The following NEK11 variants were observed in gnomAD, a reference collection of about 807,000 sequenced individuals.
NEK11 encodes the protein NIMA related kinase 11.
Under a neutral mutation model 80.7 loss-of-function variants are expected in NEK11, and 72 were observed. The ratio of observed to expected loss-of-function variants is 0.89; its 90% CI spans 0.74 to 1.08. The LOEUF is 1.08. NEK11 is among the 50% of genes least tolerant of loss of function. The probability of loss-of-function intolerance (pLI) is 0.00; values close to 1 mark genes in which losing one functional copy is unlikely to be tolerated. For missense variants in NEK11, 764 were observed against 763.6 expected, an observed-to-expected ratio of 1.00 and a Z score of -0.01; for synonymous variants, 251 against 260.7, an observed-to-expected ratio of 0.96 and a Z score of 0.36.
chr3:131,342,705 T>C lies in NEK11; in HGVS notation c.1719-6852T>C, dbSNP rs374506138. ...GAGAAAGCAACAATAACGTACATGA[T>C]AGTAAATAATACCTAGCATGATAAG... On this transcript the variant is annotated intron_variant, in intron 17 of 17. Coordinates refer to ENST00000383366, the MANE Select transcript of NEK11 (RefSeq NM_024800.5). Among the ~76,000 whole-genome samples the C allele has an allele frequency of 3.0e-4, 45 of 152,220 alleles. 1 individual carries two copies. In the East Asian group the frequency reaches 7.3e-3, roughly 25 times the overall value.
chr3:131,056,692 T>C (rs1286800740), intron 3 of NEK11, among the ~76,000 whole-genome samples: 3 of 152,184 alleles, frequency 2.0e-5, no homozygotes, highest in African/African-American at 7.2e-5. Flanking sequence ...GCTTGTTCTC[T>C]ATGGTTCTAG....
At chr3:131,341,560 T>C (rs986633823) in intron 17 of NEK11, among the ~76,000 whole-genome samples, 10 of 152,224 alleles carry the variant, frequency 6.6e-5, no homozygotes, top group African/African-American at 2.4e-4. Context: ...CTATCATTAC[T>C]AATATTTTGA....
At chr3:131,321,321 C>T (rs2096895028) in intron 17 of NEK11, among the ~76,000 whole-genome samples, 1 of 152,120 alleles carries the variant, frequency 6.6e-6, no homozygotes, top group Non-Finnish European at 1.5e-5. Flanking sequence ...AAAACAGGAT[C>T]CCTACCTTTT....
intron 14 of NEK11, among the ~76,000 whole-genome samples, chr3:131,189,987 C>T (rs1297912586): frequency 6.6e-6 from 1 of 152,156 alleles, no homozygotes; most frequent in African/African-American, 2.4e-5. Flanking sequence ...TGCTCACTTA[C>T]CGTAAGACTT....
intron 17 of NEK11, among the ~76,000 whole-genome samples, chr3:131,319,731 A>C (rs187468899): frequency 6.6e-6 from 1 of 152,152 alleles, no homozygotes; most frequent in Non-Finnish European, 1.5e-5. Context: ...CACATGCAAA[A>C]AATAAATCTC....
chr3:131,324,431 G>A (rs1172527046), intron 17 of NEK11, among the ~76,000 whole-genome samples: 1 of 152,170 alleles, frequency 6.6e-6, no homozygotes, highest in Non-Finnish European at 1.5e-5. Context: ...CCAACTTTAT[G>A]CTCTATTTTC....
At chr3:131,112,011 T>C (rs1414520063) in intron 5 of NEK11, among the ~76,000 whole-genome samples, 1 of 152,162 alleles carries the variant, frequency 6.6e-6, no homozygotes, top group Non-Finnish European at 1.5e-5. Flanking sequence ...ATAAACACTT[T>C]TGAGAAATGT....
chr3:131,174,830 G>A (rs780205067), intron 14 of NEK11: 1 of 1,603,534 alleles, frequency 6.2e-7, no homozygotes, highest in South Asian at 1.1e-5. Context: ...AGACTCTAGG[G>A]CCTGGGTCTA....
intron 3 of NEK11, among the ~76,000 whole-genome samples, chr3:131,033,610 T>C (rs533943292): frequency 6.6e-6 from 1 of 152,344 alleles, no homozygotes; most frequent in South Asian, 2.1e-4. Flanking sequence ...AACAGCTGTA[T>C]GTACATAGTA....
intron 13 of NEK11, among the ~76,000 whole-genome samples, chr3:131,170,016 G>A (rs776533247): frequency 4.7e-4 from 71 of 152,176 alleles, no homozygotes; most frequent in Non-Finnish European, 8.8e-4. Flanking sequence ...CACAAATACC[G>A]CACTGCAGTG....
intron 3 of NEK11, among the ~76,000 whole-genome samples, chr3:131,078,361 C>T (rs927658630): frequency 3.3e-5 from 5 of 152,282 alleles, no homozygotes; most frequent in South Asian, 2.1e-4. Context: ...TACCCAACCC[C>T]GGAATAGGAT....
chr3:131,061,687 C>T (rs140325907), intron 3 of NEK11, among the ~76,000 whole-genome samples: 211 of 152,276 alleles, frequency 1.4e-3, no homozygotes, highest in African/African-American at 4.9e-3. Context: ...TCAGGTCTCT[C>T]GGATCCAAGC....
intron 4 of NEK11, chr3:131,109,468 A>G (rs2079718770): frequency 5.9e-6 from 1 of 168,598 alleles, no homozygotes; most frequent in South Asian, 2.0e-4. Context: ...GCTGGAAGAA[A>G]CTGTCAATTC....
chr3:131,131,970 G>A (rs1466878299), intron 5 of NEK11, among the ~76,000 whole-genome samples: 1 of 151,912 alleles, frequency 6.6e-6, no homozygotes, highest in African/African-American at 2.4e-5. Flanking sequence ...TTAGAAGTGT[G>A]TGGTTTTATA....
At chr3:131,172,431 G>A (rs1280338745) in intron 14 of NEK11, among the ~76,000 whole-genome samples, 1 of 152,232 alleles carries the variant, frequency 6.6e-6, no homozygotes, top group African/African-American at 2.4e-5. Flanking sequence ...GTTAAAGCCT[G>A]TGCTGCCTCC....
intron 3 of NEK11, among the ~76,000 whole-genome samples, chr3:131,067,344 A>T (rs950646649): frequency 8.5e-5 from 13 of 152,220 alleles, no homozygotes; most frequent in African/African-American, 1.9e-4. Context: ...TAAGTTAGAC[A>T]TCAAAGTGCA....
chr3:131,255,265 C>A (rs755500698), intron 16 of NEK11, among the ~76,000 whole-genome samples: 21 of 152,036 alleles, frequency 1.4e-4, no homozygotes, highest in Non-Finnish European at 2.6e-4. Flanking sequence ...AGTTAGAGGT[C>A]ATCTTCTGTC....
At chr3:131,214,922 T>C (rs920768609) in intron 14 of NEK11, among the ~76,000 whole-genome samples, 12 of 152,198 alleles carry the variant, frequency 7.9e-5, no homozygotes, top group African/African-American at 2.9e-4. Flanking sequence ...TGTGATGCTG[T>C]AGGCTAAGCT....
chr3:131,084,807 A>G (rs965487800), intron 4 of NEK11, among the ~76,000 whole-genome samples: 2 of 152,206 alleles, frequency 1.3e-5, no homozygotes, highest in African/African-American at 4.8e-5. Context: ...CCACCTCTGG[A>G]AAGTCTGATT....
Sources: gnomAD v4.1 joint callset for allele counts (sites outside exome capture counted in the v4.1 genomes callset) on GRCh38, gnomAD v4.1.1 for gene constraint, MANE v1.5 for transcripts, NCBI Gene and HGNC (gene_info 2026-07-23, HGNC 2026-07-21) for gene names.